Variants in CALCR observed in about 807,000 individuals in gnomAD.
CALCR encodes calcitonin receptor.
Under a neutral mutation model 59.5 loss-of-function variants are expected in CALCR, and 47 were observed. The ratio of observed to expected loss-of-function variants is 0.79; its 90% confidence interval spans 0.63 to 1.01. The LOEUF (loss-of-function observed/expected upper bound fraction) is 1.01. Among genes scored for constraint, CALCR ranks in the 50% least tolerant of loss-of-function variants. CALCR has a pLI of 0.00. For synonymous variants in CALCR, 213 were observed against 211.3 expected (o/e 1.01, Z -0.07); for missense variants, 566 against 597.1 (o/e 0.95, Z 0.54).
chr7:93,434,902 A>G (rs1479212465), intron 12 of CALCR, among the ~76,000 whole-genome samples: 2 of 152,084 alleles, frequency 1.3e-5, no homozygotes, highest in East Asian at 1.9e-4. Context: ...ATTAATTTTG[A>G]CCTCCTCCTC....
At chr7:93,432,705 A>C (rs575888695) in intron 13 of CALCR, among the ~76,000 whole-genome samples, 1 of 152,128 alleles carries the variant, frequency 6.6e-6, no homozygotes, top group Non-Finnish European at 1.5e-5. Context: ...AATGCATGCA[A>C]TCCTCTTGTG....
chr7:93,486,739 T>C (rs1003605550), intron 3 of CALCR, among the ~76,000 whole-genome samples, 192 bp downstream of exon 3: 4 of 151,514 alleles, frequency 2.6e-5, no homozygotes, highest in African/African-American at 9.7e-5. Context: ...AACACTAATT[T>C]AAATTAGAGA....
In CALCR at chr7:93,468,823, TAAAC is replaced by T; in HGVS notation, c.430-21_430-18del. On this transcript the variant is annotated intron_variant, in intron 6 of 13. Transcript: ENST00000426151. ...ATATGCATTCTGGAACAACAAAAAG[TAAAC>T]AAACAAACAATGAATGAATGATTCA... is the stretch of plus-strand genomic sequence containing the variant. 4.1e-6 allele frequency: 5 copies of T among 1,209,046 alleles called. No individual in the cohort carries two copies. The highest frequency in any genetic ancestry group is 1.9e-5 in the Admixed American group (1 of 52,694). The allele number at this position is 1,209,046 out of a possible 1,614,324, so 74.9% of individuals were successfully genotyped here.
At chr7:93,494,663 A>G (rs1259088143) in intron 2 of CALCR, among the ~76,000 whole-genome samples, 2 of 151,424 alleles carry the variant, frequency 1.3e-5, no homozygotes, top group Non-Finnish European at 3.0e-5. Context: ...TGGGTTAAAC[A>G]ATGCCTTGTA....
chr7:93,568,118 C>A (rs1404630786), intron 2 of CALCR, among the ~76,000 whole-genome samples: 2 of 152,030 alleles, frequency 1.3e-5, no homozygotes, highest in Non-Finnish European at 2.9e-5. Flanking sequence ...CATGCAAACG[C>A]ACACAGCTCA....
At chr7:93,494,896 C>T (rs1801165571) in intron 2 of CALCR, among the ~76,000 whole-genome samples, 1 of 151,274 alleles carries the variant, frequency 6.6e-6, no homozygotes, top group Non-Finnish European at 1.5e-5. Context: ...AGAGTGATAA[C>T]TGTGGAAAAT....
chr7:93,510,337 G>C (rs1430871700), intron 2 of CALCR, among the ~76,000 whole-genome samples: 1 of 152,072 alleles, frequency 6.6e-6, no homozygotes, highest in Non-Finnish European at 1.5e-5. Context: ...CGTTAATATT[G>C]ACACTGAGTT....
intron 2 of CALCR, among the ~76,000 whole-genome samples, chr7:93,500,904 T>G (rs542760569): frequency 5.3e-5 from 8 of 152,036 alleles, no homozygotes; most frequent in African/African-American, 1.9e-4. Context: ...CACCATCAAA[T>G]GTAATTTAAT....
intron 8 of CALCR, among the ~76,000 whole-genome samples, chr7:93,445,208 C>A (rs572534193): frequency 6.6e-6 from 1 of 152,022 alleles, no homozygotes; most frequent in Non-Finnish European, 1.5e-5. Flanking sequence ...TCCCTCCCCG[C>A]CATCTGATTA....
intron 2 of CALCR, among the ~76,000 whole-genome samples, chr7:93,550,032 T>G (rs1051971779): frequency 3.3e-5 from 5 of 152,212 alleles, no homozygotes; most frequent in Non-Finnish European, 7.3e-5. Flanking sequence ...GCACTTTAGC[T>G]AAATACAACA....
At position 93,473,572 on chromosome 7, in the gene CALCR, C is replaced by G. The variant is rs1261887353; in HGVS notation, c.317-1085G>C. Among the ~76,000 whole-genome samples, 3 of 147,666 alleles carry G rather than the reference C, an allele frequency of 2.0e-5. No homozygotes were observed. The South Asian group carries it at 6.4e-4, about 31-fold the overall frequency. The stretch of plus-strand genomic sequence containing the variant: ...TTTGGCATAGAAATAAAAGGTAACA[C>G]TGGTTTGGCCCCCCCCCCTTTTTTT... On this transcript the variant is annotated intron_variant, in intron 5 of 13. Coordinates refer to ENST00000426151, the MANE Select transcript of CALCR (RefSeq NM_001742.4).
intron 2 of CALCR, 59 bp downstream of exon 2, chr7:93,574,230 T>C (rs1312578549): frequency 6.6e-6 from 1 of 152,306 alleles, no homozygotes; most frequent in Non-Finnish European, 1.5e-5. Context: ...CCTGCACTGT[T>C]AAACATCCCT....
chr7:93,505,020 T>C (rs568250230), intron 2 of CALCR, among the ~76,000 whole-genome samples: 3 of 152,274 alleles, frequency 2.0e-5, no homozygotes, highest in Admixed American at 1.3e-4. Flanking sequence ...ACTCCTGATA[T>C]AGTCCCACCA....
intron 9 of CALCR, 95 bp from the exon 10 acceptor site, chr7:93,438,365 T>C (rs1030007259): frequency 4.3e-5 from 39 of 902,012 alleles, no homozygotes; most frequent in Non-Finnish European, 6.8e-5. Context: ...GCAAAAATAC[T>C]GGCAAATTGA....
chr7:93,473,194 T>C (rs562520770), intron 5 of CALCR, among the ~76,000 whole-genome samples: 49 of 151,912 alleles, frequency 3.2e-4, no homozygotes, highest in Non-Finnish European at 6.3e-4. Context: ...CTCAGCTGGA[T>C]TGGCATATTA....
chr7:93,573,334 T>C (rs1380707099), intron 2 of CALCR, among the ~76,000 whole-genome samples: 1 of 152,216 alleles, frequency 6.6e-6, no homozygotes, highest in Non-Finnish European at 1.5e-5. Context: ...AAGATTAGCT[T>C]TAAGAACTAC....
chr7:93,485,197 G>A (rs1209757301), intron 3 of CALCR, among the ~76,000 whole-genome samples: 2 of 151,534 alleles, frequency 1.3e-5, no homozygotes, highest in Admixed American at 1.3e-4. Flanking sequence ...AGAGAGAGAA[G>A]CAAATTTCTC....
intron 3 of CALCR, among the ~76,000 whole-genome samples, chr7:93,484,216 T>C (rs867908425): frequency 2.3e-4 from 35 of 151,958 alleles, no homozygotes; most frequent in African/African-American, 8.4e-4. Flanking sequence ...GAAAGGAATC[T>C]GATTTGAAAT....
intron 13 of CALCR, among the ~76,000 whole-genome samples, chr7:93,429,957 A>C: frequency 7.5e-6 from 1 of 133,862 alleles, no homozygotes. Context: ...TTTTTGAGAC[A>C]GAGTCTTGCT....
Sources: allele counts gnomAD v4.1 joint callset (sites outside exome capture counted in the v4.1 genomes callset), GRCh38; gene constraint gnomAD v4.1.1; transcripts MANE v1.5; gene names NCBI Gene and HGNC (gene_info 2026-07-23, HGNC 2026-07-21).